Variants in SETD2 observed in about 807,000 individuals in gnomAD.
The protein encoded by SETD2 is histone-lysine N-methyltransferase SETD2.
A neutral mutation model predicts 242.1 loss-of-function variants in SETD2; 31 were observed. The ratio of observed to expected loss-of-function variants is 0.13; its 90% CI spans 0.10 to 0.17. The LOEUF is 0.17. Ranked by LOEUF, SETD2 falls within the 10% of genes least tolerant of loss-of-function variation. The pLI is 1.00. For missense variants in SETD2, 2,481 were observed against 3,046.3 expected (o/e 0.81, Z 4.37); for synonymous variants, 1,006 against 1,066.5 (o/e 0.94, Z 1.11).
intron 5 of SETD2, among the ~76,000 whole-genome samples, chr3:47,107,807 C>CA (rs1243578001): frequency 1.3e-5 from 2 of 148,438 alleles, no homozygotes; most frequent in Non-Finnish European, 2.9e-5. Flanking sequence ...CTCATCTTGA[C>CA]AAACAATAAA....
chr3:47,098,112 T>C (rs1220877780), intron 8 of SETD2, 31 bp from the exon 9 acceptor site: 1 of 1,612,114 alleles, frequency 6.2e-7, no homozygotes, highest in South Asian at 1.1e-5. Context: ...AGAAGTCAGC[T>C]ATGTGGAAGT....
chr3:47,139,104 T>C (rs947776024), intron 1 of SETD2, among the ~76,000 whole-genome samples: 6 of 151,992 alleles, frequency 3.9e-5, no homozygotes, highest in African/African-American at 1.5e-4. Context: ...GCTGGCTAAT[T>C]TTCTTTAACT....
rs575484598 is a variant in SETD2 at position 47,071,539 on chromosome 3, T to C, written c.6061-4421A>G. 2.0e-3 allele frequency among the ~76,000 whole-genome samples: 298 copies of C among 152,314 alleles called. 3 individuals carry two copies. Among genetic ancestry groups the C allele is most frequent in the African/African-American group, 6.5e-3 (272 of 41,576 alleles). ...AGGCCTCACCTACAGCCCAAAACAT[T>C]GTGTTTCCAGGGTCAGAGTGATAAA... On this transcript the variant is annotated intron_variant, in intron 12 of 20. Coordinates refer to ENST00000409792, the MANE Select transcript of SETD2 (RefSeq NM_014159.7).
chr3:47,081,998 T>C (rs1397607809), intron 12 of SETD2, among the ~76,000 whole-genome samples: 3 of 152,162 alleles, frequency 2.0e-5, no homozygotes, highest in Admixed American at 6.5e-5. Flanking sequence ...ATAAAATTGC[T>C]TTGATGTTTC....
At chr3:47,092,453 G>T (rs762298356) in intron 9 of SETD2, among the ~76,000 whole-genome samples, 81 of 150,976 alleles carry the variant, frequency 5.4e-4, no homozygotes, top group Non-Finnish European at 1.1e-3. Context: ...AAACATAAAT[G>T]TAAGAATGAT....
intron 1 of SETD2, among the ~76,000 whole-genome samples, chr3:47,146,102 C>A (rs1015166362): frequency 5.4e-5 from 8 of 147,736 alleles, no homozygotes; most frequent in Non-Finnish European, 9.0e-5. Context: ...GAAAGCATAT[C>A]CCACTTGCTC....
intron 9 of SETD2, among the ~76,000 whole-genome samples, chr3:47,097,314 G>C (rs1281548210): frequency 1.3e-5 from 2 of 152,132 alleles, no homozygotes; most frequent in African/African-American, 2.4e-5. Flanking sequence ...GAAAAACAGT[G>C]CTCTAGCAAA....
At chr3:47,129,892 A>G (rs2043437729) in intron 1 of SETD2, among the ~76,000 whole-genome samples, 1 of 151,816 alleles carries the variant, frequency 6.6e-6, no homozygotes, top group African/African-American at 2.4e-5. Flanking sequence ...AAAAAAAAAA[A>G]GAAAAAAGAA....
In SETD2 at chr3:47,039,901, A is replaced by C. The variant is rs1489798295; in HGVS notation, c.7239-2124T>G. Among the ~76,000 whole-genome samples the C allele has an allele frequency of 2.6e-5, 4 of 151,512 alleles. No homozygotes were observed. The East Asian group carries it at 7.8e-4, about 29-fold the overall frequency. ...CTCTGTCTCAAAAAAAAAAAAAAAA[A>C]GTTCTGGTTAAACCACACGTGGTTT... On this transcript the variant is annotated intron_variant, in intron 17 of 20. Coordinates refer to ENST00000409792, the MANE Select transcript of SETD2 (RefSeq NM_014159.7).
intron 12 of SETD2, among the ~76,000 whole-genome samples, chr3:47,068,147 C>A (rs559264890): frequency 1.2e-4 from 19 of 152,300 alleles, no homozygotes; most frequent in Admixed American, 7.9e-4. Flanking sequence ...CAGTAACAAG[C>A]CTACACACTC....
intron 1 of SETD2, among the ~76,000 whole-genome samples, chr3:47,128,803 G>T (rs1016143630): frequency 6.6e-6 from 1 of 151,998 alleles, no homozygotes; most frequent in Non-Finnish European, 1.5e-5. Context: ...ACGTCTCAAC[G>T]TTCATAAAAT....
At chr3:47,053,935 C>T (rs2039953787) in intron 15 of SETD2, among the ~76,000 whole-genome samples, 1 of 152,138 alleles carries the variant, frequency 6.6e-6, no homozygotes, top group South Asian at 2.1e-4. Context: ...CAAATCAAAC[C>T]ATTCTGAGGC....
rs936636629 is a variant in SETD2 at position 47,087,404 on chromosome 3, G to C, written c.5277+709C>G. 3.9e-5 allele frequency among the ~76,000 whole-genome samples: 6 copies of C among 152,210 alleles called. No individual in the cohort carries two copies. The East Asian group carries it at 1.2e-3, about 29-fold the overall frequency. On this transcript the variant is annotated intron_variant, in intron 10 of 20. Coordinates refer to ENST00000409792, the MANE Select transcript of SETD2 (RefSeq NM_014159.7). ...TCATCAGGCATTAGATTCTCATAAG[G>C]AGTGTACAACCTAGATCTCTCGCAT...
chr3:47,017,341 GCTGCTT>G lies in SETD2; in HGVS notation c.7534-93_7534-88del. 1 of 1,421,722 alleles carries G rather than the reference GCTGCTT, an allele frequency of 7.0e-7. No homozygotes were observed. The highest frequency in any genetic ancestry group is 9.7e-7 in the Non-Finnish European group (1 of 1,030,506). The allele number at this position is 1,421,722 out of a possible 1,614,324, so 88.1% of individuals were successfully genotyped here. ...GAGGACAGGGGTGGTAATCCAGCCT[GCTGCTT>G]CAGGGCCCTTCTCACCAAGACAGGA... On this transcript the variant is annotated intron_variant, in intron 20 of 20. Coordinates refer to ENST00000409792, the MANE Select transcript of SETD2 (RefSeq NM_014159.7). The surrounding 1 kb of genome is among the most constrained non-coding windows in gnomAD (Gnocchi z 4.8).
chr3:47,076,453 T>C (rs959925394), intron 12 of SETD2, among the ~76,000 whole-genome samples: 1 of 152,230 alleles, frequency 6.6e-6, no homozygotes, highest in African/African-American at 2.4e-5. Flanking sequence ...AGCTACTGAA[T>C]GTAGCACAGA....
In SETD2 at chr3:47,123,093, C is replaced by G. The variant is rs1019451348; in HGVS notation, c.1543G>C (p.Glu515Gln). 2 of 1,613,576 alleles carry G rather than the reference C, an allele frequency of 1.2e-6. No individual in the cohort carries two copies. Among genetic ancestry groups the G allele is most frequent in the Non-Finnish European group, 1.7e-6 (2 of 1,179,742 alleles). Residue 515 changes from glutamate to glutamine, a missense_variant, in exon 3 of 21, where the codon GAA becomes CAA. By Grantham distance (29) the Glu-to-Gln change is conservative (BLOSUM62 2). Coordinates refer to ENST00000409792, the MANE Select transcript of SETD2 (RefSeq NM_014159.7). ...ERRGKYSSKL[E>Q]RESKRTSENE... is the part of the protein sequence containing the mutation. ...TCTGAAGTCCTTTTAGATTCTCTTTCTAGTTTTGAAGAATACTTGCCTCTT... is the reference window on the plus strand; with the variant it reads ...TCTGAAGTCCTTTTAGATTCTCTTTGTAGTTTTGAAGAATACTTGCCTCTT...
At chr3:47,036,761 G>A (rs925150621) in intron 18 of SETD2, among the ~76,000 whole-genome samples, 2 of 151,820 alleles carry the variant, frequency 1.3e-5, no homozygotes, top group African/African-American at 4.8e-5. Context: ...AAATTAGCCG[G>A]GCGTGGAGTG....
Position 47,017,163 on chromosome 3 carries a change from T to G in SETD2, c.7625A>C (p.Glu2542Ala), listed in dbSNP as rs368761115. ...CTTCTGCATGTACTTCTTAATGTACTCCTTGGTTTTGTGTTTCACATTCTC... is the reference window on the plus strand; with the variant it reads ...CTTCTGCATGTACTTCTTAATGTACGCCTTGGTTTTGTGTTTCACATTCTC... The part of the protein sequence containing the change: ...CNENVKHKTK[E>A]YIKKYMQKFG... Residue 2542 changes from glutamate to alanine, a missense_variant, in exon 21 of 21, where the codon GAG becomes GCG. Physicochemically the swap from Glu to Ala is moderately radical, Grantham distance 107 (BLOSUM62 -1). Coordinates refer to ENST00000409792, the MANE Select transcript of SETD2 (RefSeq NM_014159.7). This position sits in a 1 kb window ranked among gnomAD's most constrained non-coding sequence, Gnocchi z 4.8. 6.2e-7 allele frequency: 1 copy of G among 1,614,192 alleles called. No homozygotes were observed. Among genetic ancestry groups the G allele is most frequent in the Non-Finnish European group, 8.5e-7 (1 of 1,180,022 alleles).
At chr3:47,157,983 G>A (rs779195932) in intron 1 of SETD2, among the ~76,000 whole-genome samples, 7 of 152,000 alleles carry the variant, frequency 4.6e-5, no homozygotes, top group Admixed American at 1.3e-4. Flanking sequence ...TTATAGGTAA[G>A]GAGTAATTAA....
Sources: allele counts gnomAD v4.1 joint callset (sites outside exome capture counted in the v4.1 genomes callset), GRCh38; gene constraint gnomAD v4.1.1; non-coding constraint Gnocchi (gnomAD v3.1); transcripts MANE v1.5; gene names NCBI Gene and HGNC (gene_info 2026-07-23, HGNC 2026-07-21).